HEBP2: variants seen among roughly 807,000 people sequenced by gnomAD.
HEBP2 encodes heme-binding protein 2.
HEBP2 carries 27 observed loss-of-function variants against 23.1 expected under a neutral mutation model. The observed-to-expected ratio is 1.17, with a 90% CI of 0.86 to 1.61. HEBP2 has a LOEUF of 1.61. Among genes scored for constraint, HEBP2 ranks in the 40% most tolerant of loss-of-function variants. The pLI is 0.00. For synonymous variants in HEBP2, 99 were observed against 95.1 expected, an observed-to-expected ratio of 1.04 and a Z score of -0.24; for missense variants, 245 against 253.8, an observed-to-expected ratio of 0.97 and a Z score of 0.24.
rs1211933262 is a variant in HEBP2 at position 138,414,919 on chromosome 6, G to A, written c.*1841G>A. 6.6e-6 allele frequency: 1 copy of A among 152,248 alleles called. No individual in the cohort carries two copies. The highest frequency in any genetic ancestry group is 1.5e-5 in the Non-Finnish European group (1 of 68,102). 9.4% of individuals were successfully genotyped at this position (152,248 alleles called of 1,614,324 possible). On this transcript the variant is annotated 3_prime_UTR_variant, in exon 4 of 4. Transcript: ENST00000607197. The stretch of plus-strand genomic sequence containing the variant: ...AAAAAATAAAAAATTAGCCAAGCGT[G>A]GTGGCACACGCCTGTATTCCTAGCT...
Position 138,413,190 on chromosome 6 carries a change from A to C in HEBP2, c.*112A>C. On this transcript the variant is annotated 3_prime_UTR_variant, in exon 4 of 4. Coordinates refer to ENST00000607197, the MANE Select transcript of HEBP2 (RefSeq NM_014320.3). ...AGTGTCTTCTATTGAGAGTACTACT[A>C]TTAATTAAGCTTATTTCCAATGTGC... The C allele has an allele frequency of 3.9e-6, 3 of 772,598 alleles. No individual in the cohort carries two copies. Among genetic ancestry groups the C allele is most frequent in the Non-Finnish European group, 6.4e-6 (3 of 471,552 alleles). 47.9% of individuals were successfully genotyped at this position (772,598 alleles called of 1,614,324 possible).
In HEBP2 at chr6:138,404,489, G is replaced by A. The variant is rs529004959; in HGVS notation, c.-7G>A. ...CTGACCAGGCTCCCAGAGCGTCAGCGCCGCCCATGGCCGAGCCGCTCCAGC... is the reference window on the plus strand; with the variant it reads ...CTGACCAGGCTCCCAGAGCGTCAGCACCGCCCATGGCCGAGCCGCTCCAGC... On this transcript the variant is annotated 5_prime_UTR_variant, in exon 1 of 4. Transcript: ENST00000607197. 440 of 1,273,496 alleles carry A rather than the reference G, an allele frequency of 3.5e-4. 2 individuals carry two copies. The highest frequency in any genetic ancestry group is 9.0e-4 in the Middle Eastern group (3 of 3,334). The allele number at this position is 1,273,496 out of a possible 1,614,324, so 78.9% of individuals were successfully genotyped here. A position where few individuals can be genotyped will look rare whatever the true frequency, so the allele number is the denominator to read the frequency against.
chr6:138,405,009 C>A, intron 1 of HEBP2, 136 bp from the exon 2 acceptor site: 1 of 913,574 alleles, frequency 1.1e-6, no homozygotes, highest in Non-Finnish European at 1.6e-6. Flanking sequence ...GCGGGGACCT[C>A]AGGCCGGACC....
upstream of HEBP2, chr6:138,404,084 G>A: frequency 4.6e-6 from 1 of 218,748 alleles, no homozygotes; most frequent in East Asian, 9.7e-5. Flanking sequence ...CGCGGCAGAG[G>A]TTCCCAAACC....
At position 138,413,536 on chromosome 6, in the gene HEBP2, C is replaced by G. The variant is rs2114774823; in HGVS notation, c.*458C>G. 6.1e-6 allele frequency: 1 copy of G among 163,016 alleles called. No individual in the cohort carries two copies. Among genetic ancestry groups the G allele is most frequent in the South Asian group, 1.7e-4 (1 of 5,994 alleles). The allele number at this position is 163,016 out of a possible 1,614,324, so 10.1% of individuals were successfully genotyped here. On this transcript the variant is annotated 3_prime_UTR_variant, in exon 4 of 4. Coordinates refer to ENST00000607197, the MANE Select transcript of HEBP2 (RefSeq NM_014320.3). ...ATCAAATTGTCTTTTGTGGCTGCCA[C>G]CATTACATTCTCTGTTGTATGTATT...
In HEBP2 at chr6:138,421,781, C is replaced by G. The variant is rs1255774262; in HGVS notation, c.*8703C>G. The G allele has an allele frequency of 6.6e-6, 1 of 152,184 alleles. No individual in the cohort carries two copies. Among genetic ancestry groups the G allele is most frequent in the African/African-American group, 2.4e-5 (1 of 41,432 alleles). The allele number at this position is 152,184 out of a possible 1,614,324, so 9.4% of individuals were successfully genotyped here. On this transcript the variant is annotated 3_prime_UTR_variant, in exon 4 of 4. Transcript: ENST00000607197. ...CCACATGCCACGTCATCTGAACCGC[C>G]AGGCGATAGGTTATTCGTATTTTAT...
rs1055119285 is a variant in HEBP2 at position 138,417,137 on chromosome 6, G to A, written c.*4059G>A. ...TCCCATTAAAATGGGAGCATACAGAGGTTAGAAAGTAAACGTAGTTCTAAT... is the reference window on the plus strand; with the variant it reads ...TCCCATTAAAATGGGAGCATACAGAAGTTAGAAAGTAAACGTAGTTCTAAT... On this transcript the variant is annotated 3_prime_UTR_variant, in exon 4 of 4. Transcript: ENST00000607197. 1.3e-5 allele frequency: 2 copies of A among 152,204 alleles called. No individual in the cohort carries two copies. The highest frequency in any genetic ancestry group is 4.8e-5 in the African/African-American group (2 of 41,442). The allele number at this position is 152,204 out of a possible 1,614,324, so 9.4% of individuals were successfully genotyped here. A position where few individuals can be genotyped will look rare whatever the true frequency, so the allele number is the denominator to read the frequency against.
chr6:138,408,222 T>G (rs1205069574), intron 3 of HEBP2, among the ~76,000 whole-genome samples: 1 of 152,240 alleles, frequency 6.6e-6, no homozygotes, highest in Non-Finnish European at 1.5e-5. Context: ...GGCTAAGAAT[T>G]TTCCAGATGT....
At position 138,418,997 on chromosome 6, in the gene HEBP2, G is replaced by C. The variant is rs1774878752; in HGVS notation, c.*5919G>C. On this transcript the variant is annotated 3_prime_UTR_variant, in exon 4 of 4. Transcript: ENST00000607197. ...ATGGGCATATGGAGTGAACACAGAA[G>C]TTGAAAAACTGTATCACATGTTAAT... 1 of 152,086 alleles carries C rather than the reference G, an allele frequency of 6.6e-6. No homozygotes were observed. The highest frequency in any genetic ancestry group is 2.4e-5 in the African/African-American group (1 of 41,404). The allele number at this position is 152,086 out of a possible 1,614,324, so 9.4% of individuals were successfully genotyped here.
In HEBP2 at chr6:138,405,184, T is replaced by A; in HGVS notation, c.142T>A (p.Trp48Arg). The change falls in exon 2 of 4, where the codon TGG (tryptophan) becomes AGG (arginine). Residue 48 changes from tryptophan to arginine, a missense_variant. Trp to Arg is a moderately radical substitution (Grantham distance 101, BLOSUM62 -3). Coordinates refer to ENST00000607197, the MANE Select transcript of HEBP2 (RefSeq NM_014320.3). ...GATCCGACACTATGGACCAGCCAAG[T>A]GGGTCAGCACGTCCGTGGAGTCTAT... ...YEIRHYGPAK[W>R]VSTSVESMDW... 5 of 1,614,046 alleles carry A rather than the reference T, an allele frequency of 3.1e-6. No homozygotes were observed. The highest frequency in any genetic ancestry group is 4.2e-6 in the Non-Finnish European group (5 of 1,179,996).
In HEBP2 at chr6:138,421,010, C is replaced by T. The variant is rs1274044670; in HGVS notation, c.*7932C>T. On this transcript the variant is annotated 3_prime_UTR_variant, in exon 4 of 4. Coordinates refer to ENST00000607197, the MANE Select transcript of HEBP2 (RefSeq NM_014320.3). ...CAAATGACTACAGATTGCTCTACCT[C>T]TTGTTCTGTGAATAAAGGCTGGCCG... 6.6e-6 allele frequency: 1 copy of T among 152,210 alleles called. No homozygotes were observed. Among genetic ancestry groups the T allele is most frequent in the African/African-American group, 2.4e-5 (1 of 41,432 alleles). 9.4% of individuals were successfully genotyped at this position (152,210 alleles called of 1,614,324 possible). A position where few individuals can be genotyped will look rare whatever the true frequency, so the allele number is the denominator to read the frequency against.
At chr6:138,403,842 C>T, upstream of HEBP2, 1 of 399,610 alleles carries the variant, frequency 2.5e-6, no homozygotes, top group Non-Finnish European at 4.4e-6. Context: ...AGATTCTCTC[C>T]ATGTGTCTGT....
At chr6:138,410,864 C>CA (rs1169109518) in intron 3 of HEBP2, among the ~76,000 whole-genome samples, 1 of 152,224 alleles carries the variant, frequency 6.6e-6, no homozygotes, top group Non-Finnish European at 1.5e-5. Flanking sequence ...TATATCAACT[C>CA]ACCTGCAGTG....
intron 3 of HEBP2, among the ~76,000 whole-genome samples, chr6:138,406,866 A>C (rs750953430): frequency 6.6e-6 from 1 of 152,060 alleles, no homozygotes; most frequent in Non-Finnish European, 1.5e-5. Context: ...ATCTCTACCA[A>C]ATGTATATAT....
At chr6:138,407,962 C>T (rs1031191237) in intron 3 of HEBP2, among the ~76,000 whole-genome samples, 1 of 152,150 alleles carries the variant, frequency 6.6e-6, no homozygotes, top group African/African-American at 2.4e-5. Flanking sequence ...AGTTCCAAGG[C>T]CCCCCAGGTG....
At chr6:138,406,209 C>T in intron 3 of HEBP2, 58 bp downstream of exon 3, 2 of 1,436,516 alleles carry the variant, frequency 1.4e-6, no homozygotes, top group Non-Finnish European at 1.9e-6. Flanking sequence ...CGTGCACTCA[C>T]AGTTTAGCTC....
At chr6:138,405,800 G>A (rs931265547) in intron 2 of HEBP2, among the ~76,000 whole-genome samples, 171 bp from the exon 3 acceptor site, 1 of 152,146 alleles carries the variant, frequency 6.6e-6, no homozygotes, top group African/African-American at 2.4e-5. Context: ...TTTAATGTGG[G>A]CAGTGAGCAA....
chr6:138,409,498 C>T (rs1774707852), intron 3 of HEBP2, among the ~76,000 whole-genome samples: 1 of 152,208 alleles, frequency 6.6e-6, no homozygotes, highest in Non-Finnish European at 1.5e-5. Context: ...TCTTTGTGTA[C>T]CCCAGTTCTT....
At chr6:138,410,441 GAAAT>G (rs1459814479) in intron 3 of HEBP2, among the ~76,000 whole-genome samples, 3 of 151,222 alleles carry the variant, frequency 2.0e-5, no homozygotes, top group Non-Finnish European at 4.4e-5. Flanking sequence ...ATTCATCAAG[GAAAT>G]AAATAATACA....
Sources: allele counts gnomAD v4.1 joint callset (sites outside exome capture counted in the v4.1 genomes callset), GRCh38; gene constraint gnomAD v4.1.1; transcripts MANE v1.5; gene names NCBI Gene and HGNC (gene_info 2026-07-23, HGNC 2026-07-21).